Variants in TSNARE1 observed in about 807,000 individuals in gnomAD.
TSNARE1 encodes the protein t-SNARE domain containing 1, also known as t-SNARE domain-containing protein 1.
A neutral mutation model predicts 62.0 loss-of-function variants in TSNARE1; 49 were observed. That is an observed-to-expected ratio of 0.79 (90% CI 0.63 to 1.00). The LOEUF is 1.00. TSNARE1 is among the 50% of genes least tolerant of loss of function. The pLI, the probability that TSNARE1 is intolerant of heterozygous loss-of-function variation, is 0.00. For synonymous variants in TSNARE1, 328 were observed against 294.4 expected (o/e 1.11, Z -1.17); for missense variants, 755 against 700.1 (o/e 1.08, Z -0.88).
chr8:142,380,395 T>A (rs1294221922), intron 1 of TSNARE1, among the ~76,000 whole-genome samples: 1 of 152,036 alleles, frequency 6.6e-6, no homozygotes, highest in Admixed American at 6.5e-5. Flanking sequence ...CACCTGGGGC[T>A]CTGTGGGCCC....
At chr8:142,352,137 G>A (rs1586971596) in intron 2 of TSNARE1, among the ~76,000 whole-genome samples, 1 of 152,256 alleles carries the variant, frequency 6.6e-6, no homozygotes, top group Admixed American at 6.5e-5. Context: ...GGATTGGGCT[G>A]TGTAAACCCA....
rs748416787 is a variant in TSNARE1 at position 142,315,037 on chromosome 8, G to C, written c.1040C>G (p.Ser347Ter). 1.2e-6 allele frequency: 2 copies of C among 1,614,164 alleles called. No homozygotes were observed. The highest frequency in any genetic ancestry group is 1.1e-5 in the South Asian group (1 of 91,084). The change falls in exon 8 of 14, where the codon TCA becomes TGA. Residue 347 changes from serine (S) to a stop codon, truncating the protein, a stop_gained. Transcript: ENST00000524325. LOFTEE classifies it high-confidence loss of function. ...PQLDRLKTQL[S>*]DAIQCYGVVQ... ...CACTCCATAGCACTGAATGGCATCT[G>C]AGAGCTGGGTTTTCAGCCGGTCCAG...
chr8:142,359,550 G>A (rs1343747493), intron 1 of TSNARE1, among the ~76,000 whole-genome samples: 2 of 152,194 alleles, frequency 1.3e-5, no homozygotes, highest in Non-Finnish European at 2.9e-5. Context: ...CGCTCACGTC[G>A]CTGGATGCCA....
chr8:142,392,761 C>A (rs1337471882), intron 1 of TSNARE1, among the ~76,000 whole-genome samples: 1 of 151,928 alleles, frequency 6.6e-6, no homozygotes, highest in Non-Finnish European at 1.5e-5. Flanking sequence ...GCCAACATGG[C>A]GAAACCCCGT....
chr8:142,276,680 C>T (rs72687359), intron 11 of TSNARE1: 155 of 985,426 alleles, frequency 1.6e-4, no homozygotes, highest in Middle Eastern at 5.2e-4. Flanking sequence ...TGGACTCAGC[C>T]TGTGCCCAAT....
intron 12 of TSNARE1, among the ~76,000 whole-genome samples, chr8:142,261,148 A>T: frequency 1.0e-5 from 1 of 97,898 alleles, no homozygotes; most frequent in Non-Finnish European, 2.0e-5. Context: ...AGGAGGAAAG[A>T]GGTAGAAGGG....
At chr8:142,223,263 C>CTCAT (rs1563757111) in intron 13 of TSNARE1, among the ~76,000 whole-genome samples, 2 of 56,118 alleles carry the variant, frequency 3.6e-5, no homozygotes, top group African/African-American at 7.5e-5. Context: ...CATTCACTCA[C>CTCAT]TCACTCATTC....
chr8:142,259,171 C>T (rs987961202), intron 12 of TSNARE1, among the ~76,000 whole-genome samples: 17 of 152,234 alleles, frequency 1.1e-4, no homozygotes, highest in African/African-American at 2.4e-4. Context: ...TGTCTGAGGA[C>T]GGGGCCGAGG....
At chr8:142,347,979 G>T (rs1435324396) in intron 2 of TSNARE1, among the ~76,000 whole-genome samples, 1 of 152,248 alleles carries the variant, frequency 6.6e-6, no homozygotes, top group Non-Finnish European at 1.5e-5. Context: ...CGCCCCTCGA[G>T]GGGCCAGTAT....
intron 11 of TSNARE1, among the ~76,000 whole-genome samples, chr8:142,282,574 C>T (rs577215788): frequency 0.027 from 3,768 of 141,034 alleles, 136 homozygotes; most frequent in African/African-American, 0.093. Flanking sequence ...TGTCAATGAG[C>T]GGAGGTGGGG....
At chr8:142,276,213 G>A (rs781563725) in intron 11 of TSNARE1, 29 of 985,344 alleles carry the variant, frequency 2.9e-5, no homozygotes, top group African/African-American at 5.2e-5. Flanking sequence ...TATGGGTGAC[G>A]GCCTCGGCCG....
chr8:142,317,761 C>T (rs140668173), intron 7 of TSNARE1, among the ~76,000 whole-genome samples: 229 of 152,156 alleles, frequency 1.5e-3, no homozygotes, highest in African/African-American at 5.2e-3. Context: ...AGTTTGAGAC[C>T]AGCCTGAGCA....
intron 12 of TSNARE1, among the ~76,000 whole-genome samples, chr8:142,261,101 AG>A (rs1297378374): frequency 7.0e-5 from 2 of 28,680 alleles, no homozygotes; most frequent in Non-Finnish European, 1.3e-4. Flanking sequence ...GAGGGAAGAG[AG>A]GGGGAGCAGG....
chr8:142,384,971 CCTACAACTCAA>C (rs1322932905), intron 1 of TSNARE1, among the ~76,000 whole-genome samples: 1 of 151,980 alleles, frequency 6.6e-6, no homozygotes, highest in African/African-American at 2.4e-5. Flanking sequence ...GTAAAGAATT[CCTACAACTCAA>C]CAACAACAAA....
At chr8:142,268,270 C>T (rs898858855) in intron 12 of TSNARE1, among the ~76,000 whole-genome samples, 1 of 152,226 alleles carries the variant, frequency 6.6e-6, no homozygotes, top group African/African-American at 2.4e-5. Flanking sequence ...TCCTAGAGTG[C>T]AAAGGGCACG....
chr8:142,349,511 A>G (rs1210508618), intron 2 of TSNARE1, among the ~76,000 whole-genome samples: 1 of 152,252 alleles, frequency 6.6e-6, no homozygotes, highest in East Asian at 1.9e-4. Flanking sequence ...TGATGAAACT[A>G]TGAGCAGAAA....
intron 6 of TSNARE1, among the ~76,000 whole-genome samples, chr8:142,320,788 C>A (rs1829370397): frequency 6.6e-6 from 1 of 152,266 alleles, no homozygotes; most frequent in Admixed American, 6.5e-5. Context: ...GAGGGTCAGG[C>A]AGGTCACGAC....
At chr8:142,322,102 T>C (rs540852166) in intron 6 of TSNARE1, among the ~76,000 whole-genome samples, 1 of 152,346 alleles carries the variant, frequency 6.6e-6, no homozygotes, top group South Asian at 2.1e-4. Context: ...CATTCAAACA[T>C]CAGTGAGTGT....
chr8:142,299,760 GCATGCACTCACACACACATACATACACA>G (rs1466152582), intron 10 of TSNARE1, among the ~76,000 whole-genome samples: 2 of 152,154 alleles, frequency 1.3e-5, no homozygotes, highest in Admixed American at 1.3e-4. Context: ...ATGCATACGT[GCATGCACTCACACACACATACATACACA>G]CATGCTCAGA....
Sources: gnomAD v4.1 joint callset for allele counts (sites outside exome capture counted in the v4.1 genomes callset) on GRCh38, gnomAD v4.1.1 for gene constraint, MANE v1.5 for transcripts, NCBI Gene and HGNC (gene_info 2026-07-23, HGNC 2026-07-21) for gene names.